The following MARCHF3 variants were observed in gnomAD, a reference collection of about 807,000 sequenced individuals.
MARCHF3 encodes E3 ubiquitin-protein ligase MARCHF3.
In MARCHF3, 13 loss-of-function variants were observed where a neutral mutation model predicts 24.2. That is an observed-to-expected ratio of 0.54 (90% CI 0.35 to 0.85). The LOEUF (loss-of-function observed/expected upper bound fraction) is 0.85, where lower values mean the gene tolerates loss of function less well. Ranked by LOEUF, MARCHF3 falls within the 40% of genes least tolerant of loss-of-function variation. The probability of loss-of-function intolerance (pLI) is 0.01; values close to 1 mark genes in which losing one functional copy is unlikely to be tolerated. For missense variants in MARCHF3, 276 were observed against 325.0 expected (o/e 0.85, Z 1.16); for synonymous variants, 144 against 137.3 (o/e 1.05, Z -0.34).
intron 3 of MARCHF3, among the ~76,000 whole-genome samples, chr5:126,892,609 T>G (rs1332925153): frequency 6.7e-6 from 1 of 149,962 alleles, no homozygotes; most frequent in Non-Finnish European, 1.5e-5. Context: ...TTGCGTATAT[T>G]GAACCAACCT....
intron 1 of MARCHF3, among the ~76,000 whole-genome samples, chr5:126,976,115 T>A (rs1482338632): frequency 6.6e-6 from 1 of 152,126 alleles, no homozygotes; most frequent in Non-Finnish European, 1.5e-5. Context: ...CATAGAGGGA[T>A]CTTTCTCCTT....
intron 1 of MARCHF3, among the ~76,000 whole-genome samples, chr5:126,969,452 G>A (rs144210984): frequency 5.9e-5 from 9 of 152,274 alleles, no homozygotes; most frequent in African/African-American, 2.2e-4. Context: ...TTTAGGAGGA[G>A]CCCCTTACAG....
chr5:126,989,795 G>A (rs947441552), intron 1 of MARCHF3, among the ~76,000 whole-genome samples: 3 of 152,224 alleles, frequency 2.0e-5, no homozygotes, highest in African/African-American at 7.2e-5. Context: ...CTGATCTTCA[G>A]TGTCTCTTGC....
At chr5:127,028,710 A>ATT (rs148592007) in intron 1 of MARCHF3, among the ~76,000 whole-genome samples, 1 of 151,262 alleles carries the variant, frequency 6.6e-6, no homozygotes, top group Non-Finnish European at 1.5e-5. Flanking sequence ...TTCTGGAGGG[A>ATT]TTTTTTTTTC....
chr5:126,970,453 A>G (rs1185825862), intron 1 of MARCHF3, among the ~76,000 whole-genome samples: 2 of 151,548 alleles, frequency 1.3e-5, no homozygotes, highest in Non-Finnish European at 2.9e-5. Flanking sequence ...TAAAATTAGC[A>G]TGGATTAAAT....
Position 127,006,758 on chromosome 5 carries a change from T to C in MARCHF3, c.-57+23592A>G, listed in dbSNP as rs548916481. Among the ~76,000 whole-genome samples, 7 of 152,322 alleles carry C rather than the reference T, an allele frequency of 4.6e-5. No homozygotes were observed. The East Asian group carries it at 1.3e-3, about 29-fold the overall frequency. The stretch of plus-strand genomic sequence containing the variant: ...GGTACAAAAGATTTTCATGGTCCTT[T>C]CACAATTTACTACATAGTATTATAT... On this transcript the variant is annotated intron_variant, in intron 1 of 4. Transcript: ENST00000308660.
intron 2 of MARCHF3, among the ~76,000 whole-genome samples, chr5:126,917,762 T>C (rs1382302014): frequency 1.3e-5 from 2 of 152,170 alleles, no homozygotes; most frequent in East Asian, 1.9e-4. Flanking sequence ...TTTGTAAATA[T>C]GATTTGAGGG....
chr5:126,942,089 A>T (rs1177050514), intron 1 of MARCHF3, among the ~76,000 whole-genome samples: 2 of 152,164 alleles, frequency 1.3e-5, no homozygotes, highest in Non-Finnish European at 1.5e-5. Flanking sequence ...ATTTAATCAC[A>T]TTGTAACTTT....
intron 4 of MARCHF3, among the ~76,000 whole-genome samples, chr5:126,871,579 T>C (rs544022518): frequency 3.4e-4 from 52 of 152,364 alleles, no homozygotes; most frequent in Non-Finnish European, 1.0e-4. Flanking sequence ...TGTTCATCTT[T>C]GCATGCCCAG....
intron 1 of MARCHF3, among the ~76,000 whole-genome samples, chr5:126,922,512 T>TTTA (rs1554065919): frequency 1.4e-5 from 2 of 142,820 alleles, no homozygotes; most frequent in Non-Finnish European, 3.0e-5. Flanking sequence ...CATTTCTGTC[T>TTTA]TTTATTTATT....
At chr5:126,922,532 A>ATTTG (rs1366985231) in intron 1 of MARCHF3, among the ~76,000 whole-genome samples, 1 of 149,058 alleles carries the variant, frequency 6.7e-6, no homozygotes, top group Non-Finnish European at 1.5e-5. Context: ...TTATTTATTT[A>ATTTG]TTTATTTATT....
intron 1 of MARCHF3, among the ~76,000 whole-genome samples, chr5:126,956,102 G>A (rs1012627026): frequency 6.6e-6 from 1 of 152,110 alleles, no homozygotes; most frequent in African/African-American, 2.4e-5. Context: ...ACATTTTGGA[G>A]ATTGTTTTCG....
chr5:127,010,771 TA>T (rs1752445851), intron 1 of MARCHF3, among the ~76,000 whole-genome samples: 1 of 152,124 alleles, frequency 6.6e-6, no homozygotes, highest in Non-Finnish European at 1.5e-5. Flanking sequence ...AAAACATGAG[TA>T]AACCTTCAGG....
chr5:127,003,457 G>C (rs1354787156), intron 1 of MARCHF3, among the ~76,000 whole-genome samples: 2 of 124,528 alleles, frequency 1.6e-5, no homozygotes, highest in East Asian at 5.0e-4. Context: ...GACAGAGCGA[G>C]ACTCCGTCTC....
chr5:126,977,775 T>C (rs4835921), intron 1 of MARCHF3, among the ~76,000 whole-genome samples: 74,612 of 152,076 alleles, frequency 0.49, 18,677 homozygotes, highest in East Asian at 0.67. Flanking sequence ...ATGTTGCATG[T>C]ATACAAGGCA....
chr5:126,893,002 C>T (rs963373818), intron 3 of MARCHF3, among the ~76,000 whole-genome samples: 8 of 151,818 alleles, frequency 5.3e-5, no homozygotes, highest in Non-Finnish European at 1.0e-4. Context: ...TCAACTTCTT[C>T]CTGGTTGAGT....
At chr5:126,966,905 C>CCTT in intron 1 of MARCHF3, among the ~76,000 whole-genome samples, 1 of 4,498 alleles carries the variant, frequency 2.2e-4, no homozygotes, top group East Asian at 8.9e-3. Context: ...CTGTGAGAGC[C>CCTT]TTTTTTTTTT....
intron 3 of MARCHF3, among the ~76,000 whole-genome samples, chr5:126,900,922 G>A (rs557349090): frequency 1.3e-5 from 2 of 151,832 alleles, no homozygotes; most frequent in African/African-American, 2.4e-5. Flanking sequence ...GGCTGGTCTC[G>A]AACTTCTGAT....
At chr5:126,980,094 A>G (rs931290288) in intron 1 of MARCHF3, among the ~76,000 whole-genome samples, 1 of 152,110 alleles carries the variant, frequency 6.6e-6, no homozygotes, top group Non-Finnish European at 1.5e-5. Flanking sequence ...CAGAGATGTC[A>G]CCACGAACAT....
Sources: gnomAD v4.1 joint callset for allele counts (sites outside exome capture counted in the v4.1 genomes callset) on GRCh38, gnomAD v4.1.1 for gene constraint, MANE v1.5 for transcripts, NCBI Gene and HGNC (gene_info 2026-07-23, HGNC 2026-07-21) for gene names.